NHS: variants seen among roughly 807,000 people sequenced by gnomAD.
The protein encoded by NHS is NHS actin remodeling regulator, also known as actin remodeling regulator NHS.
In NHS, 5 loss-of-function variants were observed where a neutral mutation model predicts 72.5. That is an observed-to-expected ratio of 0.07 (90% CI 0.04 to 0.14). The LOEUF is 0.14. NHS is among the 10% of genes least tolerant of loss of function. NHS has a pLI of 1.00. For synonymous variants in NHS, 464 were observed against 547.7 expected (o/e 0.85, Z 2.13); for missense variants, 1,072 against 1,355.7 (o/e 0.79, Z 3.29).
At chrX:17,710,962 C>T (rs1367935914) in intron 3 of NHS, among the ~76,000 whole-genome samples, 2 of 112,031 alleles carry the variant, frequency 1.8e-5, no homozygotes, top group Non-Finnish European at 3.8e-5. Flanking sequence ...AGTTACCACA[C>T]GCCTCTGACT....
rs1488062943 is a variant in NHS, at chrX:17,728,128, A to C, written c.4022A>C (p.Lys1341Thr). 3 of 1,210,206 alleles carry C rather than the reference A, an allele frequency of 2.5e-6. No homozygotes were observed. In the South Asian group the frequency reaches 5.3e-5, roughly 21 times the overall value. ...TRATDVSNQF[K>T]HQFVMSRHHD... ...GCAACAGATGTAAGCAATCAATTTA[A>C]GCATCAATTTGTTATGAGCCGCCAC... Residue 1341 changes from lysine (K) to threonine (T), a missense_variant, in exon 7 of 9, where the codon AAG (lysine) becomes ACG (threonine). Lys to Thr is a moderately conservative substitution (Grantham distance 78, BLOSUM62 -1). Coordinates refer to ENST00000676302, the MANE Select transcript of NHS (RefSeq NM_001291867.2).
At chrX:17,393,463 T>A (rs1249486761) in intron 1 of NHS, among the ~76,000 whole-genome samples, 1 of 112,591 alleles carries the variant, frequency 8.9e-6, no homozygotes, top group Non-Finnish European at 1.9e-5. Flanking sequence ...TCACAGACAG[T>A]GGCTCCTCAC....
chrX:17,572,017 T>C (rs1031988109), intron 1 of NHS, among the ~76,000 whole-genome samples: 11 of 112,528 alleles, frequency 9.8e-5, no homozygotes, highest in African/African-American at 2.9e-4. Context: ...TCGATTGCAC[T>C]GTGGTCTGAG....
intron 1 of NHS, among the ~76,000 whole-genome samples, chrX:17,666,751 T>C (rs142351254): frequency 2.1e-3 from 233 of 112,564 alleles, no homozygotes; most frequent in African/African-American, 7.0e-3. Context: ...CCAACAAAGC[T>C]CAGTGCTTTA....
intron 1 of NHS, among the ~76,000 whole-genome samples, chrX:17,410,501 GACGGCA>G (rs1324195564): frequency 9.5e-6 from 1 of 105,476 alleles, no homozygotes; most frequent in Non-Finnish European, 1.9e-5. Context: ...TGACCTTTCT[GACGGCA>G]ACTCTCTGCT....
intron 1 of NHS, among the ~76,000 whole-genome samples, chrX:17,595,960 A>G (rs939128897): frequency 1.8e-5 from 2 of 111,427 alleles, no homozygotes; most frequent in Non-Finnish European, 3.8e-5. Context: ...ATTTCCCACC[A>G]AATAAGAACT....
intron 1 of NHS, among the ~76,000 whole-genome samples, chrX:17,434,700 C>T (rs941685521): frequency 1.8e-5 from 2 of 110,887 alleles, no homozygotes; most frequent in Non-Finnish European, 3.8e-5. Context: ...GCCTTGGCCT[C>T]CCAAAGTGCT....
chrX:17,626,991 CAA>C (rs1473189971), intron 1 of NHS, among the ~76,000 whole-genome samples: 1 of 112,134 alleles, frequency 8.9e-6, no homozygotes, highest in East Asian at 2.8e-4. Flanking sequence ...CCCATTGCTG[CAA>C]GTTTTGTGGC....
At chrX:17,650,943 A>G (rs1461195285) in intron 1 of NHS, among the ~76,000 whole-genome samples, 2 of 112,261 alleles carry the variant, frequency 1.8e-5, no homozygotes, top group Non-Finnish European at 3.8e-5. Flanking sequence ...GAGTCCCCCA[A>G]GATGGCTAGT....
chrX:17,716,092 C>G (rs1038298322), intron 3 of NHS, among the ~76,000 whole-genome samples: 2 of 110,858 alleles, frequency 1.8e-5, no homozygotes, highest in Non-Finnish European at 3.8e-5. Context: ...GGAGTGTAAC[C>G]CAAGGAGACC....
intron 1 of NHS, among the ~76,000 whole-genome samples, chrX:17,480,859 G>A (rs1035687135): frequency 3.4e-4 from 38 of 110,842 alleles, no homozygotes; most frequent in African/African-American, 3.0e-4. Context: ...AAAAATGCAC[G>A]GCGATTTTGC....
At chrX:17,515,950 A>T (rs1224250590) in intron 1 of NHS, among the ~76,000 whole-genome samples, 2 of 110,710 alleles carry the variant, frequency 1.8e-5, no homozygotes. Context: ...AAGTGAAATA[A>T]TCATTAAGAT....
At chrX:17,538,100 G>C (rs953150612) in intron 1 of NHS, among the ~76,000 whole-genome samples, 1 of 111,714 alleles carries the variant, frequency 9.0e-6, no homozygotes, top group African/African-American at 3.3e-5. Flanking sequence ...GAGGAGAGAG[G>C]GTGGAATTGG....
At chrX:17,654,335 C>T (rs2065943403) in intron 1 of NHS, among the ~76,000 whole-genome samples, 1 of 111,642 alleles carries the variant, frequency 9.0e-6, no homozygotes, top group Admixed American at 9.5e-5. Flanking sequence ...CCTCCCACCT[C>T]ATCCTTCCTG....
chrX:17,534,868 T>C (rs1208668669), intron 1 of NHS, among the ~76,000 whole-genome samples: 4 of 111,989 alleles, frequency 3.6e-5, no homozygotes, highest in African/African-American at 1.3e-4. Flanking sequence ...GTGTCTGCAG[T>C]TCTCTTCCTG....
intron 1 of NHS, among the ~76,000 whole-genome samples, chrX:17,562,732 G>C (rs992488962): frequency 8.9e-6 from 1 of 112,011 alleles, no homozygotes; most frequent in African/African-American, 3.2e-5. Flanking sequence ...AAAACCAGAG[G>C]ATAGTGGTGT....
At chrX:17,463,701 C>T (rs758161557) in intron 1 of NHS, among the ~76,000 whole-genome samples, 18 of 111,843 alleles carry the variant, frequency 1.6e-4, no homozygotes, top group Non-Finnish European at 2.8e-4. Flanking sequence ...ATTGATTAAA[C>T]TGTTAAAAAG....
intron 1 of NHS, among the ~76,000 whole-genome samples, chrX:17,647,925 G>A (rs1320715183): frequency 9.0e-6 from 1 of 111,343 alleles, no homozygotes; most frequent in Non-Finnish European, 1.9e-5. Flanking sequence ...GCATATTGAA[G>A]TATTGTGAAG....
intron 1 of NHS, among the ~76,000 whole-genome samples, chrX:17,453,849 G>A (rs1485955972): frequency 8.9e-6 from 1 of 111,874 alleles, no homozygotes; most frequent in Non-Finnish European, 1.9e-5. Flanking sequence ...AAATCCTGAA[G>A]CTGAAATCTT....
Sources: gnomAD v4.1 joint callset for allele counts (sites outside exome capture counted in the v4.1 genomes callset) on GRCh38, gnomAD v4.1.1 for gene constraint, MANE v1.5 for transcripts, NCBI Gene and HGNC (gene_info 2026-07-23, HGNC 2026-07-21) for gene names.